The following KALRN variants were observed in gnomAD, a reference collection of about 807,000 sequenced individuals.
KALRN encodes the protein kalirin.
In KALRN, 70 loss-of-function variants were observed where a neutral mutation model predicts 353.7. That is an observed-to-expected ratio of 0.20 (90% CI 0.16 to 0.24). The LOEUF (loss-of-function observed/expected upper bound fraction) is 0.24. KALRN is among the 10% of genes least tolerant of loss of function. KALRN has a pLI of 1.00. For synonymous variants in KALRN, 1,391 were observed against 1,434.8 expected (o/e 0.97, Z 0.69); for missense variants, 2,791 against 3,756.7 (o/e 0.74, Z 6.72).
At chr3:124,378,085 G>GT (rs2086833356) in intron 10 of KALRN, among the ~76,000 whole-genome samples, 1 of 151,670 alleles carries the variant, frequency 6.6e-6, no homozygotes, top group Non-Finnish European at 1.5e-5. Flanking sequence ...CTATCACCTT[G>GT]TTTTTTTCTT....
chr3:124,115,911 T>C (rs576390075), intron 1 of KALRN, among the ~76,000 whole-genome samples: 1 of 152,322 alleles, frequency 6.6e-6, no homozygotes, highest in South Asian at 2.1e-4. Context: ...GGAGACAGGA[T>C]TGTCAACAAA....
intron 10 of KALRN, among the ~76,000 whole-genome samples, chr3:124,368,485 C>T (rs1380789147): frequency 6.6e-6 from 1 of 150,532 alleles, no homozygotes; most frequent in Non-Finnish European, 1.5e-5. Context: ...AGAGACGCTC[C>T]TCACTTCCTA....
chr3:124,544,435 C>T (rs2069399068), intron 33 of KALRN, among the ~76,000 whole-genome samples: 1 of 152,090 alleles, frequency 6.6e-6, no homozygotes, highest in African/African-American at 2.4e-5. Flanking sequence ...GTGGTGGGTG[C>T]CTGTAATCCC....
intron 34 of KALRN, among the ~76,000 whole-genome samples, chr3:124,567,864 A>T (rs1226630589): frequency 1.3e-5 from 2 of 152,162 alleles, no homozygotes; most frequent in Non-Finnish European, 2.9e-5. Flanking sequence ...AGTCCCAGCT[A>T]TTCAGGAGGC....
intron 34 of KALRN, among the ~76,000 whole-genome samples, chr3:124,578,454 G>A (rs1230149479): frequency 2.6e-5 from 4 of 152,338 alleles, no homozygotes; most frequent in South Asian, 2.1e-4. Context: ...TCAAGGGACC[G>A]ATTGTCAGAG....
intron 21 of KALRN, 83 bp from the exon 22 acceptor site, chr3:124,455,094 C>A: frequency 6.7e-7 from 1 of 1,492,970 alleles, no homozygotes; most frequent in Non-Finnish European, 9.2e-7. Context: ...TCTATGGCTG[C>A]TCTAAACAGG....
At chr3:124,097,402 A>G (rs2061525141) in intron 1 of KALRN, among the ~76,000 whole-genome samples, 1 of 152,230 alleles carries the variant, frequency 6.6e-6, no homozygotes, top group South Asian at 2.1e-4. Context: ...TGAAGATTTT[A>G]TATCATTTTG....
At chr3:124,645,426 C>T (rs1200320505) in intron 37 of KALRN, among the ~76,000 whole-genome samples, 3 of 152,104 alleles carry the variant, frequency 2.0e-5, no homozygotes, top group Non-Finnish European at 4.4e-5. Context: ...ATGGTATTGC[C>T]TAGGTTTTCT....
chr3:124,245,629 T>C (rs1296219126), intron 3 of KALRN, among the ~76,000 whole-genome samples: 1 of 152,034 alleles, frequency 6.6e-6, no homozygotes, highest in Non-Finnish European at 1.5e-5. Context: ...TTTCCCTTTT[T>C]CTGCATCCAC....
At chr3:124,393,952 C>T (rs1195893165) in intron 11 of KALRN, among the ~76,000 whole-genome samples, 2 of 152,046 alleles carry the variant, frequency 1.3e-5, no homozygotes, top group Non-Finnish European at 2.9e-5. Flanking sequence ...TTGAAAAGGC[C>T]ATATTGTAAT....
chr3:124,395,565 G>T, intron 12 of KALRN: 1 of 524,524 alleles, frequency 1.9e-6, no homozygotes, highest in East Asian at 3.0e-5. Context: ...TTATCATTCA[G>T]GATGTTATTC....
chr3:124,493,808 C>T (rs891616031), intron 32 of KALRN, among the ~76,000 whole-genome samples: 4 of 152,180 alleles, frequency 2.6e-5, no homozygotes, highest in East Asian at 3.9e-4. Flanking sequence ...CTCCATGGGG[C>T]GGAAGCCCCA....
intron 57 of KALRN, among the ~76,000 whole-genome samples, chr3:124,704,637 T>G (rs1378625410): frequency 6.6e-6 from 1 of 152,162 alleles, no homozygotes. Context: ...AGTTTCGACC[T>G]TCCAGGCTCA....
At chr3:124,094,675 GC>G (rs1559937019) in intron 1 of KALRN, 2 of 669,296 alleles carry the variant, frequency 3.0e-6, no homozygotes, top group Non-Finnish European at 5.5e-6. Flanking sequence ...GGCACAGTCA[GC>G]CTCTGTGTGG....
At chr3:124,622,157 T>C (rs898626945) in intron 34 of KALRN, among the ~76,000 whole-genome samples, 4 of 148,326 alleles carry the variant, frequency 2.7e-5, no homozygotes, top group African/African-American at 7.6e-5. Flanking sequence ...ATGAATGAGT[T>C]TGCAATTATT....
intron 9 of KALRN, among the ~76,000 whole-genome samples, chr3:124,341,583 T>G (rs190639912): frequency 7.2e-5 from 11 of 152,274 alleles, no homozygotes; most frequent in African/African-American, 2.6e-4. Context: ...GAACTTTGAG[T>G]GTAGACTGAG....
rs1404877244 is a variant in KALRN at position 124,430,769 on chromosome 3, C to T, written c.2823C>T (p.Ala941=). The change falls in exon 16 of 60, where the codon GCC becomes GCT. Residue 941 remains alanine (A), a synonymous_variant. Transcript: ENST00000682506. ...LQREHEQFQL[A]IESLFHATSL... is the part of the protein sequence containing the mutation. Reference sequence around the variant, plus strand: ...GGGAGCACGAGCAGTTCCAACTGGCCATCGAGGTAACACCCAAATCTGGCT... The same window carrying T: ...GGGAGCACGAGCAGTTCCAACTGGCTATCGAGGTAACACCCAAATCTGGCT... 2.5e-6 allele frequency: 4 copies of T among 1,613,826 alleles called. No individual in the cohort carries two copies. The Admixed American group carries it at 5.0e-5, about 20-fold the overall frequency.
At chr3:124,221,420 C>T (rs2077893050) in intron 1 of KALRN, among the ~76,000 whole-genome samples, 1 of 152,094 alleles carries the variant, frequency 6.6e-6, no homozygotes, top group Non-Finnish European at 1.5e-5. Flanking sequence ...TGGAGTAGAA[C>T]AAGGAATACT....
chr3:124,482,653 T>A (rs529624785), intron 27 of KALRN, among the ~76,000 whole-genome samples, 155 bp from the exon 28 acceptor site: 95 of 152,262 alleles, frequency 6.2e-4, no homozygotes, highest in African/African-American at 2.3e-3. Flanking sequence ...TGTTTCTCTT[T>A]TTACTCCCCT....
Sources: allele counts gnomAD v4.1 joint callset (sites outside exome capture counted in the v4.1 genomes callset), GRCh38; gene constraint gnomAD v4.1.1; transcripts MANE v1.5; gene names NCBI Gene and HGNC (gene_info 2026-07-23, HGNC 2026-07-21).